Variants in NTM observed in about 807,000 individuals in gnomAD.
NTM encodes the protein IgLON family member 2.
In NTM, 13 loss-of-function variants were observed where a neutral mutation model predicts 42.1. The observed-to-expected ratio is 0.31, with a 90% CI of 0.20 to 0.49. The LOEUF (loss-of-function observed/expected upper bound fraction) is 0.49. Among genes scored for constraint, NTM ranks in the 20% least tolerant of loss-of-function variants. The pLI is 0.99. For missense variants in NTM, 373 were observed against 452.8 expected (o/e 0.82, Z 1.60); for synonymous variants, 187 against 179.2 (o/e 1.04, Z -0.35).
intron 6 of NTM, among the ~76,000 whole-genome samples, chr11:132,311,389 T>G (rs1166193766): frequency 6.6e-6 from 1 of 152,092 alleles, no homozygotes; most frequent in Non-Finnish European, 1.5e-5. Flanking sequence ...CAGCTTCTAG[T>G]GAGATGTATT....
intron 4 of NTM, among the ~76,000 whole-genome samples, chr11:132,244,059 G>T: frequency 6.6e-6 from 1 of 152,190 alleles, no homozygotes; most frequent in East Asian, 1.9e-4. Context: ...CTGCAGATCC[G>T]TAAATCATTC....
chr11:132,238,048 A>G (rs2089410644), intron 4 of NTM, among the ~76,000 whole-genome samples: 1 of 152,214 alleles, frequency 6.6e-6, no homozygotes, highest in Non-Finnish European at 1.5e-5. Context: ...TACAGCAGAC[A>G]GGATCTTGGT....
chr11:132,115,242 G>A (rs2063727333), intron 2 of NTM, among the ~76,000 whole-genome samples: 1 of 152,264 alleles, frequency 6.6e-6, no homozygotes, highest in Admixed American at 6.5e-5. Flanking sequence ...GGTGACTGCA[G>A]TTAACAGTAC....
At chr11:132,067,086 C>G (rs1176799946) in intron 2 of NTM, among the ~76,000 whole-genome samples, 1 of 152,140 alleles carries the variant, frequency 6.6e-6, no homozygotes, top group Non-Finnish European at 1.5e-5. Context: ...TCTTAAGTAG[C>G]TGGAACCATA....
At chr11:131,442,736 A>G (rs1949718430) in intron 1 of NTM, among the ~76,000 whole-genome samples, 1 of 152,108 alleles carries the variant, frequency 6.6e-6, no homozygotes, top group East Asian at 1.9e-4. Flanking sequence ...CCATGTCACT[A>G]CAAAGGACAT....
At chr11:132,280,491 TTTTTTTTTTTTTG>T in intron 4 of NTM, among the ~76,000 whole-genome samples, 2 of 141,276 alleles carry the variant, frequency 1.4e-5, no homozygotes. Flanking sequence ...TTTTTTTTTT[TTTTTTTTTTTTTG>T]AGATGGAGTC....
intron 1 of NTM, among the ~76,000 whole-genome samples, chr11:131,624,445 C>T (rs1252886846): frequency 1.3e-5 from 2 of 152,120 alleles, no homozygotes; most frequent in Non-Finnish European, 2.9e-5. Flanking sequence ...CCTGCAGGTA[C>T]AGAGCTAAGC....
Position 132,098,746 on chromosome 11 carries a change from G to A in NTM, c.168-47536G>A, listed in dbSNP as rs115107833. 4.5e-3 allele frequency among the ~76,000 whole-genome samples: 685 copies of A among 152,348 alleles called. 4 individuals carry two copies. The highest frequency in any genetic ancestry group is 0.015 in the African/African-American group (639 of 41,568). ...CTTGTAGCATCTCTATGTGAATTCC[G>A]TCAGGAGATGTAGCCCCAACCTGGG... is the stretch of plus-strand genomic sequence containing the variant. On this transcript the variant is annotated intron_variant, in intron 2 of 8. Coordinates refer to ENST00000683400, the MANE Select transcript of NTM (RefSeq NM_001352005.2).
At chr11:131,393,466 G>A (rs1944244946) in intron 1 of NTM, among the ~76,000 whole-genome samples, 1 of 152,194 alleles carries the variant, frequency 6.6e-6, no homozygotes, top group African/African-American at 2.4e-5. Context: ...GGATAAAGAT[G>A]ACTTGCAGAA....
chr11:131,418,401 T>G (rs971146456), intron 1 of NTM, among the ~76,000 whole-genome samples: 4 of 152,154 alleles, frequency 2.6e-5, no homozygotes, highest in African/African-American at 9.7e-5. Flanking sequence ...CAGATCTCTG[T>G]CGCCACATCT....
chr11:131,377,074 G>A (rs1942069644), intron 1 of NTM, among the ~76,000 whole-genome samples: 1 of 152,210 alleles, frequency 6.6e-6, no homozygotes, highest in African/African-American at 2.4e-5. Context: ...TCATGGCACA[G>A]CCTCTGGCCT....
chr11:131,821,280 T>C (rs540061990), intron 1 of NTM, among the ~76,000 whole-genome samples: 1 of 152,328 alleles, frequency 6.6e-6, no homozygotes, highest in East Asian at 1.9e-4. Context: ...GTAACTTTGT[T>C]TTCCATCCTT....
intron 1 of NTM, among the ~76,000 whole-genome samples, chr11:131,823,237 A>C (rs2093265154): frequency 6.6e-6 from 1 of 152,220 alleles, no homozygotes; most frequent in Non-Finnish European, 1.5e-5. Flanking sequence ...TTCTTCCCTA[A>C]CATTGGTCAA....
chr11:131,768,543 C>T lies in NTM; in HGVS notation c.83-143021C>T, dbSNP rs543347004. ...TGAAATGCTATCTATAGGATCATTG[C>T]GGAAACTGAGGTGAGGCAGTGCAGC... On this transcript the variant is annotated intron_variant, in intron 1 of 8. Transcript: ENST00000683400. Among the ~76,000 whole-genome samples, 8 of 152,214 alleles carry T rather than the reference C, an allele frequency of 5.3e-5. No homozygotes were observed. In the East Asian group the frequency reaches 5.8e-4, roughly 11 times the overall value.
chr11:132,301,015 C>G (rs926911623), intron 4 of NTM, among the ~76,000 whole-genome samples: 3 of 152,128 alleles, frequency 2.0e-5, no homozygotes. Flanking sequence ...CACCAGAACT[C>G]ACAGTGGCAC....
intron 2 of NTM, among the ~76,000 whole-genome samples, chr11:132,032,159 T>G (rs2076011510): frequency 1.3e-5 from 2 of 152,156 alleles, no homozygotes. Context: ...TCCACTACTG[T>G]GTTCAAGCCA....
chr11:131,610,676 G>A (rs2061395384), intron 1 of NTM, among the ~76,000 whole-genome samples: 1 of 152,164 alleles, frequency 6.6e-6, no homozygotes, highest in Non-Finnish European at 1.5e-5. Context: ...AGGAGGCTGT[G>A]GAGCACCCGC....
chr11:131,556,492 T>G (rs953330856), intron 1 of NTM, among the ~76,000 whole-genome samples: 2 of 152,182 alleles, frequency 1.3e-5, no homozygotes, highest in Admixed American at 6.5e-5. Flanking sequence ...CTTAGACAAA[T>G]TACTTAAAGT....
intron 8 of NTM, chr11:132,332,688 G>GTT (rs2136472210): frequency 6.6e-6 from 1 of 152,296 alleles, no homozygotes; most frequent in Admixed American, 6.5e-5. Context: ...CACAGGGGGT[G>GTT]TTTGCCCGCT....
Sources: gnomAD v4.1 joint callset for allele counts (sites outside exome capture counted in the v4.1 genomes callset) on GRCh38, gnomAD v4.1.1 for gene constraint, MANE v1.5 for transcripts, NCBI Gene and HGNC (gene_info 2026-07-23, HGNC 2026-07-21) for gene names.